Variants in RTN1 observed in about 807,000 individuals in gnomAD.
RTN1 encodes reticulon-1.
A neutral mutation model predicts 65.5 loss-of-function variants in RTN1; 25 were observed. That is an observed-to-expected ratio of 0.38 (90% CI 0.28 to 0.53). The LOEUF (loss-of-function observed/expected upper bound fraction) is 0.53, where lower values mean the gene tolerates loss of function less well. RTN1 is among the 20% of genes least tolerant of loss of function. RTN1 has a pLI of 0.79. For missense variants in RTN1, 983 were observed against 1,025.4 expected (o/e 0.96, Z 0.57); for synonymous variants, 471 against 447.6 (o/e 1.05, Z -0.66).
At chr14:59,688,517 T>A (rs576954763) in intron 3 of RTN1, among the ~76,000 whole-genome samples, 9 of 152,236 alleles carry the variant, frequency 5.9e-5, no homozygotes, top group South Asian at 2.1e-4. Context: ...CTCAGACCAA[T>A]GTGCACACCA....
At chr14:59,743,959 A>C (rs1017444891) in intron 2 of RTN1, among the ~76,000 whole-genome samples, 1 of 152,166 alleles carries the variant, frequency 6.6e-6, no homozygotes, top group Non-Finnish European at 1.5e-5. Context: ...CAACCAAAAG[A>C]AAGTATGTAG....
intron 3 of RTN1, among the ~76,000 whole-genome samples, chr14:59,614,226 C>T (rs542626996): frequency 4.9e-4 from 74 of 152,202 alleles, no homozygotes; most frequent in African/African-American, 1.4e-3. Context: ...ATCCGGGATC[C>T]GGTATAAAAT....
intron 3 of RTN1, among the ~76,000 whole-genome samples, chr14:59,718,913 C>T (rs1884593141): frequency 1.3e-5 from 2 of 152,154 alleles, no homozygotes; most frequent in African/African-American, 4.8e-5. Flanking sequence ...CCTATTAAGT[C>T]CATCTCCAAA....
chr14:59,640,460 G>A (rs559212769), intron 3 of RTN1, among the ~76,000 whole-genome samples: 1 of 152,246 alleles, frequency 6.6e-6, no homozygotes, highest in East Asian at 1.9e-4. Flanking sequence ...GGGACTACAG[G>A]TGTGCACTAC....
Position 59,727,627 on chromosome 14 carries a change from C to T in RTN1, c.1057G>A (p.Glu353Lys). ...AESQGKGSIS[E>K]DELITAIKEA... ...TTGATGGCGGTGATCAGCTCATCCT[C>T]GGAGATGCTGCCTTTCCCCTGGGAT... Residue 353 changes from glutamate (E) to lysine (K), a missense_variant, in exon 3 of 9, where the codon GAG becomes AAG. Transcript: ENST00000267484. This position sits in a 1 kb window ranked among gnomAD's most constrained non-coding sequence, Gnocchi z 4.2. 6.2e-7 allele frequency: 1 copy of T among 1,610,676 alleles called. No individual in the cohort carries two copies.
In RTN1 at chr14:59,868,342, C is replaced by T. The variant is rs1229651242; in HGVS notation, c.241+2048G>A. Among the ~76,000 whole-genome samples, 1 of 152,192 alleles carries T rather than the reference C, an allele frequency of 6.6e-6. No homozygotes were observed. The highest frequency in any genetic ancestry group is 1.5e-5 in the Non-Finnish European group (1 of 68,034). On this transcript the variant is annotated intron_variant, in intron 1 of 8. Transcript: ENST00000267484. The surrounding 1 kb of genome is among the most constrained non-coding windows in gnomAD (Gnocchi z 4.0). ...AATATGTGCTCCTTCCATCTTTCTT[C>T]ATTCTTCTCCCATCCAAACGTAGTA...
chr14:59,738,514 A>G (rs1221867849), intron 2 of RTN1, among the ~76,000 whole-genome samples: 1 of 152,242 alleles, frequency 6.6e-6, no homozygotes, highest in African/African-American at 2.4e-5. Context: ...AATGCTGGCA[A>G]GGTTGTGGAG....
intron 1 of RTN1, among the ~76,000 whole-genome samples, chr14:59,822,755 T>C (rs1886964513): frequency 6.6e-6 from 1 of 152,202 alleles, no homozygotes; most frequent in South Asian, 2.1e-4. Flanking sequence ...TTGATCTCAT[T>C]CTTTACCCCA....
chr14:59,749,487 A>G (rs1482602490), intron 1 of RTN1, among the ~76,000 whole-genome samples: 2 of 73,306 alleles, frequency 2.7e-5, no homozygotes, highest in Non-Finnish European at 4.4e-5. Context: ...ATATCTATAT[A>G]TATCTATATA....
rs754077017 is a variant in RTN1, at chr14:59,603,138, A to C, written c.2230-15T>G. On this transcript the variant is annotated splice_polypyrimidine_tract_variant and intron_variant, in intron 7 of 8. Coordinates refer to ENST00000267484, the MANE Select transcript of RTN1 (RefSeq NM_021136.3). ...TCAATCTGTGCCTACATAAAGAAAA[A>C]AAAAATAATGAGCATATCCAAAGAT... is the stretch of plus-strand genomic sequence containing the variant. The C allele has an allele frequency of 1.2e-6, 2 of 1,612,390 alleles. No individual in the cohort carries two copies. Among genetic ancestry groups the C allele is most frequent in the South Asian group, 2.2e-5 (2 of 90,454 alleles).
chr14:59,620,429 T>C (rs1882224793), intron 3 of RTN1, among the ~76,000 whole-genome samples: 1 of 151,982 alleles, frequency 6.6e-6, no homozygotes, highest in African/African-American at 2.4e-5. Context: ...TAGTCCCAAA[T>C]GAGATGTCCT....
At chr14:59,642,792 C>T (rs1456460008) in intron 3 of RTN1, among the ~76,000 whole-genome samples, 1 of 152,154 alleles carries the variant, frequency 6.6e-6, no homozygotes, top group Non-Finnish European at 1.5e-5. Context: ...GGGTCTGCTT[C>T]TATCATCTCC....
At chr14:59,614,906 C>T (rs913593616) in intron 3 of RTN1, among the ~76,000 whole-genome samples, 4 of 152,162 alleles carry the variant, frequency 2.6e-5, no homozygotes, top group African/African-American at 7.2e-5. Context: ...AGCAGTTTTA[C>T]ATACAAGGTA....
At chr14:59,820,932 G>A (rs772142191) in intron 1 of RTN1, among the ~76,000 whole-genome samples, 1 of 152,218 alleles carries the variant, frequency 6.6e-6, no homozygotes, top group Non-Finnish European at 1.5e-5. Flanking sequence ...AGAGATTGAA[G>A]TTGGGTAGTG....
chr14:59,756,233 G>T (rs1885633717), intron 1 of RTN1, among the ~76,000 whole-genome samples: 1 of 152,100 alleles, frequency 6.6e-6, no homozygotes, highest in African/African-American at 2.4e-5. Context: ...GTTTGTTTTT[G>T]CCCACTGTTT....
chr14:59,748,742 T>C (rs1885283350), intron 1 of RTN1, among the ~76,000 whole-genome samples: 1 of 151,694 alleles, frequency 6.6e-6, no homozygotes, highest in Non-Finnish European at 1.5e-5. Flanking sequence ...AAACAGGGCC[T>C]GATGAATAGT....
At chr14:59,634,556 T>A (rs1594644553) in intron 3 of RTN1, among the ~76,000 whole-genome samples, 1 of 152,214 alleles carries the variant, frequency 6.6e-6, no homozygotes, top group African/African-American at 2.4e-5. Flanking sequence ...TGAGTTAGTG[T>A]TTACCCTTAT....
At chr14:59,723,499 C>T (rs763836705) in intron 3 of RTN1, among the ~76,000 whole-genome samples, 5 of 151,690 alleles carry the variant, frequency 3.3e-5, no homozygotes, top group Non-Finnish European at 7.4e-5. Flanking sequence ...CGCCTGTAGT[C>T]CCAGCTACTC....
At chr14:59,824,342 A>C (rs1886994047) in intron 1 of RTN1, among the ~76,000 whole-genome samples, 1 of 152,224 alleles carries the variant, frequency 6.6e-6, no homozygotes, top group African/African-American at 2.4e-5. Flanking sequence ...GGATGGCTTT[A>C]TAAAATAAAT....
Sources: allele counts gnomAD v4.1 joint callset (sites outside exome capture counted in the v4.1 genomes callset), GRCh38; gene constraint gnomAD v4.1.1; non-coding constraint Gnocchi (gnomAD v3.1); transcripts MANE v1.5; gene names NCBI Gene and HGNC (gene_info 2026-07-23, HGNC 2026-07-21).